The following KCNQ5 variants were observed in gnomAD, a reference collection of about 807,000 sequenced individuals.
The protein encoded by KCNQ5 is potassium voltage-gated channel subfamily Q member 5, also known as potassium voltage-gated channel subfamily KQT member 5.
KCNQ5 carries 30 observed loss-of-function variants against 98.2 expected under a neutral mutation model. The ratio of observed to expected loss-of-function variants is 0.31; its 90% confidence interval spans 0.23 to 0.41. The LOEUF is 0.41. KCNQ5 is among the 10% of genes least tolerant of loss of function. KCNQ5 has a pLI of 1.00. For synonymous variants in KCNQ5, 458 were observed against 449.4 expected (o/e 1.02, Z -0.24); for missense variants, 835 against 1,182.5 (o/e 0.71, Z 4.31).
chr6:73,012,142 A>C (rs1395978789), intron 2 of KCNQ5, among the ~76,000 whole-genome samples: 1 of 152,152 alleles, frequency 6.6e-6, no homozygotes, highest in Non-Finnish European at 1.5e-5. Flanking sequence ...CACTGACGGC[A>C]AGGTCTCAAA....
At chr6:73,052,951 C>G (rs142873260) in intron 3 of KCNQ5, among the ~76,000 whole-genome samples, 46 of 152,178 alleles carry the variant, frequency 3.0e-4, no homozygotes, top group Non-Finnish European at 6.3e-4. Flanking sequence ...CACAGAGTGG[C>G]AAGTTGGACA....
chr6:72,717,862 T>G (rs1769727281), intron 1 of KCNQ5, among the ~76,000 whole-genome samples: 1 of 152,142 alleles, frequency 6.6e-6, no homozygotes, highest in African/African-American at 2.4e-5. Flanking sequence ...TTTGAAAAAT[T>G]TATTTATTAA....
intron 2 of KCNQ5, among the ~76,000 whole-genome samples, chr6:73,009,855 T>A (rs1029770690): frequency 6.6e-6 from 1 of 152,118 alleles, no homozygotes; most frequent in Non-Finnish European, 1.5e-5. Context: ...GTGCTATAAC[T>A]AGTAAGGAGA....
chr6:72,836,303 T>C (rs900854791), intron 1 of KCNQ5, among the ~76,000 whole-genome samples: 51 of 152,278 alleles, frequency 3.3e-4, no homozygotes, highest in African/African-American at 1.2e-3. Context: ...AGATGGCAGA[T>C]AGAAAAGTAG....
intron 12 of KCNQ5, among the ~76,000 whole-genome samples, chr6:73,191,895 A>G (rs1360056932): frequency 6.6e-6 from 1 of 152,238 alleles, no homozygotes; most frequent in Non-Finnish European, 1.5e-5. Flanking sequence ...CAAAAAAAGA[A>G]GAAAGTGATT....
intron 3 of KCNQ5, among the ~76,000 whole-genome samples, chr6:73,061,933 TTGTA>T (rs1288491743): frequency 6.6e-6 from 1 of 152,156 alleles, no homozygotes; most frequent in Admixed American, 6.5e-5. Flanking sequence ...CAGACCATCT[TTGTA>T]TGTTTTTGTT....
intron 10 of KCNQ5, among the ~76,000 whole-genome samples, chr6:73,146,626 C>CAAAAAAAAAAAAAAAAA (rs58798764): frequency 2.1e-4 from 6 of 28,484 alleles, no homozygotes; most frequent in African/African-American, 5.6e-4. Context: ...GTCCCTGTCT[C>CAAAAAAAAAAAAAAAAA]AAAAAAAAAA....
intron 1 of KCNQ5, among the ~76,000 whole-genome samples, chr6:72,744,134 AAAGT>A (rs1771259001): frequency 6.6e-6 from 1 of 152,246 alleles, no homozygotes. Flanking sequence ...TCTGTTGGCC[AAAGT>A]AAGTCACATG....
At chr6:72,816,531 A>G (rs1775516825) in intron 1 of KCNQ5, among the ~76,000 whole-genome samples, 1 of 152,212 alleles carries the variant, frequency 6.6e-6, no homozygotes, top group Non-Finnish European at 1.5e-5. Context: ...GTAAAATTGA[A>G]AAATAACAGT....
At chr6:73,055,545 G>A in intron 3 of KCNQ5, 1 of 1,469,136 alleles carries the variant, frequency 6.8e-7, no homozygotes, top group Non-Finnish European at 9.5e-7. Context: ...CTACCCTCCT[G>A]TGAGAGTCTG....
At chr6:72,983,678 C>T (rs1000458346) in intron 1 of KCNQ5, among the ~76,000 whole-genome samples, 1 of 152,210 alleles carries the variant, frequency 6.6e-6, no homozygotes, top group Admixed American at 6.5e-5. Context: ...CTTCTGCCAA[C>T]TTGTCAAAGT....
chr6:72,960,868 A>G (rs1000155839), intron 1 of KCNQ5, among the ~76,000 whole-genome samples: 2 of 152,230 alleles, frequency 1.3e-5, no homozygotes, highest in African/African-American at 2.4e-5. Context: ...GGTGCAGGCC[A>G]CCATACTTCA....
At chr6:73,192,286 A>T (rs1323381951) in intron 12 of KCNQ5, among the ~76,000 whole-genome samples, 1 of 152,222 alleles carries the variant, frequency 6.6e-6, no homozygotes, top group Non-Finnish European at 1.5e-5. Context: ...GAACTGCCTG[A>T]TCAGAGGTAG....
intron 8 of KCNQ5, among the ~76,000 whole-genome samples, chr6:73,121,350 A>G (rs565166514): frequency 1.3e-4 from 19 of 150,892 alleles, no homozygotes; most frequent in Middle Eastern, 3.5e-3. Flanking sequence ...AAAAAAAAAA[A>G]GGGCTTAGTC....
At chr6:72,773,745 C>T (rs1247005842) in intron 1 of KCNQ5, among the ~76,000 whole-genome samples, 1 of 151,902 alleles carries the variant, frequency 6.6e-6, no homozygotes, top group Non-Finnish European at 1.5e-5. Context: ...CTTTTTTTCA[C>T]TTCCCTAACA....
chr6:72,980,724 G>A (rs1768399204), intron 1 of KCNQ5, among the ~76,000 whole-genome samples: 1 of 152,198 alleles, frequency 6.6e-6, no homozygotes, highest in South Asian at 2.1e-4. Flanking sequence ...AATAGGAGTG[G>A]TGAGAGAGGG....
At chr6:72,785,254 C>T (rs143109580) in intron 1 of KCNQ5, among the ~76,000 whole-genome samples, 3 of 152,284 alleles carry the variant, frequency 2.0e-5, no homozygotes, top group African/African-American at 2.4e-5. Context: ...TGTGACTATG[C>T]TCCTTTGGTC....
rs1415326366 is a variant in KCNQ5 at position 72,672,600 on chromosome 6, T to A, written c.398+50013T>A. On this transcript the variant is annotated intron_variant, in intron 1 of 13. Coordinates refer to ENST00000370398, the MANE Select transcript of KCNQ5 (RefSeq NM_019842.4). ...GTCTTTGGCACTTTCTGGCTATATA[T>A]GCTTTGGAAAGTGACAACCTCCTGG... 2.0e-5 allele frequency among the ~76,000 whole-genome samples: 3 copies of A among 152,156 alleles called. No homozygotes were observed. In the East Asian group the frequency reaches 5.8e-4, roughly 29 times the overall value.
At chr6:72,747,093 AATGT>A in intron 1 of KCNQ5, among the ~76,000 whole-genome samples, 1 of 152,106 alleles carries the variant, frequency 6.6e-6, no homozygotes. Flanking sequence ...TAGGAAAAAA[AATGT>A]ATTTGTTTTT....
Sources: gnomAD v4.1 joint callset for allele counts (sites outside exome capture counted in the v4.1 genomes callset) on GRCh38, gnomAD v4.1.1 for gene constraint, MANE v1.5 for transcripts, NCBI Gene and HGNC (gene_info 2026-07-23, HGNC 2026-07-21) for gene names.